TBCEL: variants seen among roughly 807,000 people sequenced by gnomAD.
TBCEL encodes the protein tubulin folding cofactor E like.
In TBCEL, 15 loss-of-function variants were observed where a neutral mutation model predicts 44.2. The observed-to-expected ratio is 0.34, with a 90% CI of 0.23 to 0.52. The LOEUF (loss-of-function observed/expected upper bound fraction) is 0.52. Among genes scored for constraint, TBCEL ranks in the 20% least tolerant of loss-of-function variants. TBCEL has a pLI of 0.95. For synonymous variants in TBCEL, 171 were observed against 185.4 expected (o/e 0.92, Z 0.63); for missense variants, 319 against 506.3 (o/e 0.63, Z 3.55).
intron 6 of TBCEL, chr11:121,057,758 T>C (rs1945647642): frequency 1.1e-5 from 4 of 357,598 alleles, no homozygotes; most frequent in Admixed American, 1.0e-4. Flanking sequence ...GTAAGTTATA[T>C]GCAAATGCTA....
chr11:121,059,625 A>G (rs1945683667), intron 7 of TBCEL, among the ~76,000 whole-genome samples: 2 of 152,032 alleles, frequency 1.3e-5, no homozygotes, highest in South Asian at 4.1e-4. Context: ...AATTAATTTC[A>G]TGTGTTTAAT....
At chr11:121,059,008 T>C (rs1438525770) in intron 7 of TBCEL, among the ~76,000 whole-genome samples, 3 of 151,980 alleles carry the variant, frequency 2.0e-5, no homozygotes, top group Admixed American at 6.6e-5. Flanking sequence ...GAATTTCCCA[T>C]GAGTATTTAT....
chr11:121,050,380 T>C (rs1392208241), intron 4 of TBCEL, among the ~76,000 whole-genome samples: 14 of 151,786 alleles, frequency 9.2e-5, no homozygotes. Context: ...AAGAATATTA[T>C]AGGTTATGAG....
chr11:121,036,281 AT>A (rs368904010), intron 1 of TBCEL: 56 of 152,304 alleles, frequency 3.7e-4, no homozygotes, highest in African/African-American at 1.3e-3. Context: ...AAGCCTTGGA[AT>A]TTTACCAGAT....
At chr11:121,065,021 T>G (rs920480907) in intron 8 of TBCEL, among the ~76,000 whole-genome samples, 3 of 151,936 alleles carry the variant, frequency 2.0e-5, no homozygotes, top group Non-Finnish European at 4.4e-5. Flanking sequence ...GGAGACGGGG[T>G]TTCACCATGT....
intron 2 of TBCEL, among the ~76,000 whole-genome samples, chr11:121,045,173 C>A (rs1945407363): frequency 6.6e-6 from 1 of 151,990 alleles, no homozygotes; most frequent in South Asian, 2.1e-4. Flanking sequence ...GGTTTCTAGC[C>A]CATGAGCTAG....
At chr11:121,079,297 C>T (rs1023314214) in intron 8 of TBCEL, among the ~76,000 whole-genome samples, 1 of 152,082 alleles carries the variant, frequency 6.6e-6, no homozygotes, top group African/African-American at 2.4e-5. Flanking sequence ...TTTTAGGACT[C>T]CCCAAGTGTA....
chr11:121,078,846 T>A (rs989134399), intron 8 of TBCEL, among the ~76,000 whole-genome samples: 3 of 152,228 alleles, frequency 2.0e-5, no homozygotes, highest in African/African-American at 7.2e-5. Flanking sequence ...CTTATCATTT[T>A]TGAGACTGGC....
At chr11:121,051,173 A>G (rs1945521562) in intron 4 of TBCEL, among the ~76,000 whole-genome samples, 1 of 151,740 alleles carries the variant, frequency 6.6e-6, no homozygotes, top group Non-Finnish European at 1.5e-5. Flanking sequence ...AGGATATTCT[A>G]GGGTTAACAA....
rs1946228130 is a variant in TBCEL at position 121,086,959 on chromosome 11, A to G, written c.1138A>G (p.Thr380Ala). The G allele has an allele frequency of 6.2e-7, 1 of 1,613,986 alleles. No homozygotes were observed. Among genetic ancestry groups the G allele is most frequent in the Non-Finnish European group, 8.5e-7 (1 of 1,180,006 alleles). ...KQLKTLVQLP[T>A]SNMLLYYFDH... Reference sequence around the variant, plus strand: ...GTTAAAAACTCTAGTACAATTACCCACAAGCAACATGCTTCTCTACTATTT... The same window carrying G: ...GTTAAAAACTCTAGTACAATTACCCGCAAGCAACATGCTTCTCTACTATTT... Residue 380 changes from threonine (T) to alanine (A), a missense_variant, in exon 9 of 9, where the codon ACA becomes GCA. Physicochemically the swap from Thr to Ala is moderately conservative, Grantham distance 58 (BLOSUM62 0). Transcript: ENST00000683345.
chr11:121,039,383 A>G (rs1945291630), intron 2 of TBCEL, among the ~76,000 whole-genome samples: 1 of 152,196 alleles, frequency 6.6e-6, no homozygotes, highest in Admixed American at 6.5e-5. Context: ...TGTCTGGCTT[A>G]TTTTAGATAT....
At chr11:121,026,901 G>A (rs1330685483) in intron 1 of TBCEL, among the ~76,000 whole-genome samples, 1 of 152,152 alleles carries the variant, frequency 6.6e-6, no homozygotes, top group African/African-American at 2.4e-5. Flanking sequence ...CTGAGTGATT[G>A]TGTGTGCTTT....
chr11:121,051,212 G>A (rs1016529293), intron 4 of TBCEL, among the ~76,000 whole-genome samples: 1 of 151,664 alleles, frequency 6.6e-6, no homozygotes, highest in African/African-American at 2.4e-5. Flanking sequence ...AATTTTCACT[G>A]TACAGTAATG....
intron 1 of TBCEL, among the ~76,000 whole-genome samples, chr11:121,028,267 T>C (rs925423871): frequency 1.3e-5 from 2 of 152,178 alleles, no homozygotes; most frequent in African/African-American, 2.4e-5. Context: ...TGACCTAGAC[T>C]TACTGAATCA....
intron 1 of TBCEL, among the ~76,000 whole-genome samples, chr11:121,030,831 A>C (rs1235356710): frequency 6.6e-6 from 1 of 151,696 alleles, no homozygotes; most frequent in African/African-American, 2.4e-5. Context: ...CCATGTTTTA[A>C]AATTTTGTAT....
At chr11:121,036,972 T>C (rs1181522073) in intron 2 of TBCEL, among the ~76,000 whole-genome samples, 2 of 152,212 alleles carry the variant, frequency 1.3e-5, no homozygotes, top group African/African-American at 4.8e-5. Flanking sequence ...TTTGTAGTGC[T>C]TTTAAGGAGA....
chr11:121,057,146 G>C (rs1050824864), intron 6 of TBCEL, among the ~76,000 whole-genome samples: 1 of 151,798 alleles, frequency 6.6e-6, no homozygotes, highest in African/African-American at 2.4e-5. Flanking sequence ...CTTCCTCCTT[G>C]ATGGAAATGC....
At chr11:121,051,234 C>T (rs1945522752) in intron 4 of TBCEL, among the ~76,000 whole-genome samples, 1 of 151,614 alleles carries the variant, frequency 6.6e-6, no homozygotes, top group South Asian at 2.1e-4. Context: ...TGATGCAGAC[C>T]ATGGTGATTA....
At chr11:121,052,248 T>A (rs1002077159) in intron 4 of TBCEL, among the ~76,000 whole-genome samples, 1 of 151,882 alleles carries the variant, frequency 6.6e-6, no homozygotes, top group Non-Finnish European at 1.5e-5. Flanking sequence ...AGTAGGTAAG[T>A]ACTATATCTG....
Sources: allele counts gnomAD v4.1 joint callset (sites outside exome capture counted in the v4.1 genomes callset), GRCh38; gene constraint gnomAD v4.1.1; transcripts MANE v1.5; gene names NCBI Gene and HGNC (gene_info 2026-07-23, HGNC 2026-07-21).